Variants in ACACA observed in about 807,000 individuals in gnomAD.
ACACA encodes acetyl-CoA carboxylase 1.
A neutral mutation model predicts 296.1 loss-of-function variants in ACACA; 103 were observed. That is an observed-to-expected ratio of 0.35 (90% CI 0.30 to 0.41). ACACA has a LOEUF of 0.41. ACACA is among the 10% of genes least tolerant of loss of function. The pLI is 1.00. For synonymous variants in ACACA, 953 were observed against 1,038.6 expected, an observed-to-expected ratio of 0.92 and a Z score of 1.58; for missense variants, 1,554 against 2,989.7, an observed-to-expected ratio of 0.52 and a Z score of 11.20.
rs569368060 is a variant in ACACA, at chr17:37,159,367, G to A, written c.5349+2414C>T. On this transcript the variant is annotated intron_variant, in intron 42 of 55. Transcript: ENST00000616317. ...CTCCCGAATAGCTGGGATTACAGAC[G>A]TGTGCTACCATGACCAGCTAATTTT... is the stretch of plus-strand genomic sequence containing the variant. Among the ~76,000 whole-genome samples the A allele has an allele frequency of 5.3e-5, 8 of 152,040 alleles. No homozygotes were observed. The South Asian group carries it at 1.0e-3, about 20-fold the overall frequency.
At chr17:37,154,105 G>A (rs959187021) in intron 43 of ACACA, among the ~76,000 whole-genome samples, 99 of 152,088 alleles carry the variant, frequency 6.5e-4, no homozygotes, top group African/African-American at 2.2e-3. Flanking sequence ...TCAGGAGTTC[G>A]AGACCAGCCT....
Position 37,330,404 on chromosome 17 carries a change from C to A in ACACA, c.107G>T (p.Gly36Val). ...IIRAVRAHFGGIMDEPSPLAQ... is the reference protein window; with the variant it reads ...IIRAVRAHFGVIMDEPSPLAQ... ...CAAGGGAGATGGTTCATCCATTATT[C>A]CTCCAAAATGAGCTCTTACAGCTAT... Residue 36 changes from glycine (G) to valine (V), a missense_variant, in exon 3 of 56, where the codon GGA (glycine) becomes GTA (valine). Transcript: ENST00000616317. 1 of 1,614,190 alleles carries A rather than the reference C, an allele frequency of 6.2e-7. No individual in the cohort carries two copies. Among genetic ancestry groups the A allele is most frequent in the Non-Finnish European group, 8.5e-7 (1 of 1,180,038 alleles).
intron 52 of ACACA, among the ~76,000 whole-genome samples, chr17:37,109,202 C>T (rs2142985509): frequency 6.6e-6 from 1 of 152,306 alleles, no homozygotes; most frequent in Non-Finnish European, 1.5e-5. Flanking sequence ...GAGACAGCTG[C>T]CCGTATAGGA....
chr17:37,219,146 T>C (rs780824417), intron 29 of ACACA, among the ~76,000 whole-genome samples: 3 of 152,298 alleles, frequency 2.0e-5, no homozygotes, highest in South Asian at 2.1e-4. Flanking sequence ...TTTAATCACG[T>C]AGGCTATGAT....
chr17:37,191,878 T>C (rs2077768886), intron 37 of ACACA, among the ~76,000 whole-genome samples: 1 of 151,956 alleles, frequency 6.6e-6, no homozygotes, highest in Admixed American at 6.5e-5. Flanking sequence ...TCAGATGCAC[T>C]TTCTGCTTTG....
At chr17:37,202,347 G>A (rs534757293) in intron 33 of ACACA, among the ~76,000 whole-genome samples, 1 of 152,144 alleles carries the variant, frequency 6.6e-6, no homozygotes, top group South Asian at 2.1e-4. Flanking sequence ...TAATAATGCA[G>A]GTCTCACAGC....
At chr17:37,360,878 A>G (rs2049378068) in intron 1 of ACACA, among the ~76,000 whole-genome samples, 1 of 152,128 alleles carries the variant, frequency 6.6e-6, no homozygotes, top group Non-Finnish European at 1.5e-5. Flanking sequence ...ACCGAAAAAA[A>G]TGGCCTGGGA....
At chr17:37,133,308 CAT>C (rs1300576339) in intron 45 of ACACA, among the ~76,000 whole-genome samples, 5 of 152,204 alleles carry the variant, frequency 3.3e-5, no homozygotes, top group Non-Finnish European at 5.9e-5. Flanking sequence ...TCAATGACCA[CAT>C]GTTTGGAGTA....
rs1233147363 is a variant in ACACA at position 37,294,135 on chromosome 17, A to AG, written c.339-9166dup. Among the ~76,000 whole-genome samples the AG allele has an allele frequency of 3.8e-4, 58 of 151,258 alleles. 1 individual carries two copies. The highest frequency in any genetic ancestry group is 1.4e-3 in the African/African-American group (56 of 41,112). ...TACTCTCATTCGTTGAAAAAAAAAA[A>AG]GGCACACAAACCAAGATCATTTTGT... On this transcript the variant is annotated intron_variant, in intron 3 of 55. Coordinates refer to ENST00000616317, the MANE Select transcript of ACACA (RefSeq NM_198834.3).
At chr17:37,385,767 T>G (rs969122270) in intron 1 of ACACA, among the ~76,000 whole-genome samples, 1 of 152,190 alleles carries the variant, frequency 6.6e-6, no homozygotes, top group African/African-American at 2.4e-5. Flanking sequence ...GCATGACTCC[T>G]TCACTTTGAT....
intron 1 of ACACA, chr17:37,375,844 T>C (rs2049979915): frequency 6.4e-6 from 3 of 468,210 alleles, no homozygotes; most frequent in Admixed American, 3.7e-5. Flanking sequence ...TAGTTCTCTA[T>C]GTCGGCACCG....
At chr17:37,123,832 C>T (rs779100707) in intron 48 of ACACA, among the ~76,000 whole-genome samples, 3 of 152,162 alleles carry the variant, frequency 2.0e-5, no homozygotes, top group Non-Finnish European at 2.9e-5. Context: ...CACCCTAAAT[C>T]GGTAACTTAT....
intron 49 of ACACA, among the ~76,000 whole-genome samples, chr17:37,121,744 A>T (rs746894320): frequency 5.3e-5 from 8 of 152,200 alleles, no homozygotes; most frequent in Non-Finnish European, 8.8e-5. Flanking sequence ...TGCAGTCCTA[A>T]GAACCCTTGT....
chr17:37,400,692 G>T (rs1198621543), intron 1 of ACACA, among the ~76,000 whole-genome samples: 2 of 152,034 alleles, frequency 1.3e-5, no homozygotes, highest in East Asian at 3.8e-4. Flanking sequence ...GCAAATGACA[G>T]GATTTCCTTA....
At chr17:37,125,327 C>T (rs2074728157) in intron 48 of ACACA, among the ~76,000 whole-genome samples, 1 of 151,938 alleles carries the variant, frequency 6.6e-6, no homozygotes, top group African/African-American at 2.4e-5. Context: ...CATAGAAAAG[C>T]AGATGAGTCT....
intron 50 of ACACA, among the ~76,000 whole-genome samples, chr17:37,116,868 G>T (rs2074281625): frequency 6.6e-6 from 1 of 152,206 alleles, no homozygotes; most frequent in South Asian, 2.1e-4. Context: ...GTTTAGGTTA[G>T]AAATCAGTCT....
chr17:37,233,347 G>A (rs554708178), intron 25 of ACACA, among the ~76,000 whole-genome samples: 18 of 152,302 alleles, frequency 1.2e-4, no homozygotes, highest in African/African-American at 4.3e-4. Flanking sequence ...AGATTCTTAA[G>A]GCAAGCGTTA....
At chr17:37,367,226 GA>G (rs1179320113) in intron 1 of ACACA, among the ~76,000 whole-genome samples, 2,307 of 98,234 alleles carry the variant, frequency 0.023, 60 homozygotes, top group African/African-American at 0.068. Context: ...ATTGGAAAAA[GA>G]AAAAAAAAAA....
intron 10 of ACACA, 54 bp downstream of exon 10, chr17:37,270,697 T>C: frequency 1.5e-6 from 2 of 1,316,946 alleles, no homozygotes; most frequent in Non-Finnish European, 2.2e-6. Flanking sequence ...AGTTAAATCA[T>C]ATATCTCTGA....
Sources: gnomAD v4.1 joint callset for allele counts (sites outside exome capture counted in the v4.1 genomes callset) on GRCh38, gnomAD v4.1.1 for gene constraint, MANE v1.5 for transcripts, NCBI Gene and HGNC (gene_info 2026-07-23, HGNC 2026-07-21) for gene names.